GOLM1: variants seen among roughly 807,000 people sequenced by gnomAD.
GOLM1 encodes the protein epididymis luminal protein 46.
GOLM1 carries 31 observed loss-of-function variants against 50.5 expected under a neutral mutation model. The ratio of observed to expected loss-of-function variants is 0.61; its 90% CI spans 0.46 to 0.83. The LOEUF (loss-of-function observed/expected upper bound fraction) is 0.83, where lower values mean the gene tolerates loss of function less well. Ranked by LOEUF, GOLM1 falls within the 40% of genes least tolerant of loss-of-function variation. The pLI is 0.00. For missense variants in GOLM1, 491 were observed against 501.3 expected (o/e 0.98, Z 0.20); for synonymous variants, 178 against 192.8 (o/e 0.92, Z 0.64).
intron 1 of GOLM1, among the ~76,000 whole-genome samples, chr9:86,094,152 T>C (rs1298953079): frequency 4.5e-5 from 6 of 133,028 alleles, no homozygotes; most frequent in African/African-American, 1.8e-4. Flanking sequence ...CCACAGGCCA[T>C]ATCCGGGCCT....
intron 3 of GOLM1, among the ~76,000 whole-genome samples, chr9:86,062,379 T>A (rs1268453301): frequency 6.7e-6 from 1 of 149,806 alleles, no homozygotes; most frequent in East Asian, 2.0e-4. Flanking sequence ...GCAGGTGCTT[T>A]GGGGAGGGAG....
intron 3 of GOLM1, among the ~76,000 whole-genome samples, chr9:86,071,210 A>C (rs1834438569): frequency 6.6e-6 from 1 of 152,000 alleles, no homozygotes. Context: ...TGATCCACCC[A>C]CCTCAGCTTC....
At chr9:86,063,528 T>C (rs1834220885) in intron 3 of GOLM1, among the ~76,000 whole-genome samples, 1 of 152,326 alleles carries the variant, frequency 6.6e-6, no homozygotes, top group African/African-American at 2.4e-5. Context: ...TCAAGGCACC[T>C]AACAGACCCT....
intron 6 of GOLM1, among the ~76,000 whole-genome samples, chr9:86,040,531 C>T (rs913039315): frequency 2.6e-5 from 4 of 152,208 alleles, no homozygotes; most frequent in African/African-American, 9.6e-5. Flanking sequence ...TCCCGTAAAG[C>T]CCTGAGCTTG....
intron 4 of GOLM1, among the ~76,000 whole-genome samples, chr9:86,050,471 C>T (rs540620411): frequency 2.6e-5 from 4 of 152,240 alleles, no homozygotes; most frequent in East Asian, 3.9e-4. Context: ...TGGCAGAATT[C>T]GGCTGTGAAT....
intron 3 of GOLM1, among the ~76,000 whole-genome samples, chr9:86,072,807 T>G (rs1834486745): frequency 6.6e-6 from 1 of 152,238 alleles, no homozygotes; most frequent in Non-Finnish European, 1.5e-5. Flanking sequence ...TATAGCCTAC[T>G]GTACACCTAG....
At chr9:86,091,402 G>GAGTAAGGAAATACAAAGAATGCAGA (rs1359164145) in intron 1 of GOLM1, among the ~76,000 whole-genome samples, 1 of 151,434 alleles carries the variant, frequency 6.6e-6, no homozygotes, top group Non-Finnish European at 1.5e-5. Flanking sequence ...TTGATGTAAG[G>GAGTAAGGAAATACAAAGAATGCAGA]AGTAAGGAAA....
chr9:86,038,542 G>A (rs943722373), intron 6 of GOLM1, among the ~76,000 whole-genome samples: 1 of 152,182 alleles, frequency 6.6e-6, no homozygotes, highest in Non-Finnish European at 1.5e-5. Context: ...TCCCACTGGG[G>A]TAGGGAGTGG....
intron 3 of GOLM1, among the ~76,000 whole-genome samples, chr9:86,059,368 G>A (rs1349491325): frequency 1.3e-5 from 2 of 152,346 alleles, no homozygotes; most frequent in East Asian, 3.9e-4. Context: ...AGCCATAGGA[G>A]AGAAGTATTA....
chr9:86,052,416 G>A, intron 4 of GOLM1, 121 bp downstream of exon 4: 2 of 786,412 alleles, frequency 2.5e-6, no homozygotes, highest in Non-Finnish European at 2.2e-6. Flanking sequence ...ATTGCTCAAT[G>A]ACTCATGACA....
chr9:86,028,842 C>CTTT (rs35054627), intron 9 of GOLM1, among the ~76,000 whole-genome samples: 77 of 106,798 alleles, frequency 7.2e-4, no homozygotes, highest in Non-Finnish European at 8.4e-4. Context: ...GATAAGGGAA[C>CTTT]TTTTTTTTTT....
At chr9:86,059,590 T>C (rs1447374825) in intron 3 of GOLM1, among the ~76,000 whole-genome samples, 1 of 151,780 alleles carries the variant, frequency 6.6e-6, no homozygotes, top group Non-Finnish European at 1.5e-5. Context: ...ACACATTTCT[T>C]TGTGGGGTGA....
intron 1 of GOLM1, among the ~76,000 whole-genome samples, chr9:86,083,899 GCTA>G (rs1050673143): frequency 6.6e-6 from 1 of 152,174 alleles, no homozygotes; most frequent in African/African-American, 2.4e-5. Context: ...CTTATCTGAA[GCTA>G]CTGATAGTCT....
intron 4 of GOLM1, among the ~76,000 whole-genome samples, chr9:86,046,978 A>C (rs1292590480): frequency 1.4e-5 from 2 of 141,186 alleles, no homozygotes; most frequent in Non-Finnish European, 3.0e-5. Context: ...CATCTGTAAA[A>C]CACTGATTTT....
At chr9:86,054,717 C>T (rs1300931723) in intron 3 of GOLM1, among the ~76,000 whole-genome samples, 1 of 152,140 alleles carries the variant, frequency 6.6e-6, no homozygotes, top group Non-Finnish European at 1.5e-5. Flanking sequence ...GCTACAAACC[C>T]AAGCAGGACA....
chr9:86,045,605 A>G (rs1439531649), intron 5 of GOLM1, among the ~76,000 whole-genome samples: 1 of 147,686 alleles, frequency 6.8e-6, no homozygotes, highest in African/African-American at 2.5e-5. Context: ...AACTTGGGAG[A>G]TGGAGGTTGC....
At position 86,079,361 on chromosome 9, in the gene GOLM1, A is replaced by C; in HGVS notation, c.-21-20T>G. 1 of 1,550,656 alleles carries C rather than the reference A, an allele frequency of 6.4e-7. No homozygotes were observed. The highest frequency in any genetic ancestry group is 2.0e-5 in the Admixed American group (1 of 49,408). On this transcript the variant is annotated intron_variant, in intron 1 of 9. Coordinates refer to ENST00000388712, the MANE Select transcript of GOLM1 (RefSeq NM_016548.4). ...GAGAATCTGCCAAGTAAAAGCAAAT[A>C]AATAAACATCAATACTAGTTTTATC...
intron 5 of GOLM1, among the ~76,000 whole-genome samples, chr9:86,045,690 GTATA>G (rs1233170281): frequency 7.0e-6 from 1 of 143,518 alleles, no homozygotes; most frequent in Admixed American, 6.9e-5. Flanking sequence ...AAAAAAAAAA[GTATA>G]TACACACACA....
At chr9:86,077,359 A>AT in intron 3 of GOLM1, 53 bp downstream of exon 3, 2 of 1,412,546 alleles carry the variant, frequency 1.4e-6, no homozygotes, top group Non-Finnish European at 2.0e-6. Context: ...GAAACAGACA[A>AT]TGTAGACACC....
Sources: allele counts gnomAD v4.1 joint callset (sites outside exome capture counted in the v4.1 genomes callset), GRCh38; gene constraint gnomAD v4.1.1; transcripts MANE v1.5; gene names NCBI Gene and HGNC (gene_info 2026-07-23, HGNC 2026-07-21).